Variants in ACTR3C observed in about 807,000 individuals in gnomAD.
ACTR3C encodes actin-related protein 3C.
In ACTR3C, 18 loss-of-function variants were observed where a neutral mutation model predicts 26.3. The observed-to-expected ratio is 0.68, with a 90% CI of 0.47 to 1.01. The LOEUF (loss-of-function observed/expected upper bound fraction) is 1.01. ACTR3C is among the 50% of genes least tolerant of loss of function. The pLI is 0.00. For synonymous variants in ACTR3C, 55 were observed against 94.5 expected (o/e 0.58, Z 2.42); for missense variants, 184 against 250.7 (o/e 0.73, Z 1.80).
the ACTR3C span, among the ~76,000 whole-genome samples, chr7:150,199,638 A>AT: frequency 2.5e-5 from 3 of 120,440 alleles, no homozygotes; most frequent in Non-Finnish European, 4.9e-5. Context: ...ATAAATAAAA[A>AT]TAAAAAAAAA....
chr7:150,313,391 T>C (rs1174343551), intron 1 of ACTR3C, among the ~76,000 whole-genome samples: 1 of 152,222 alleles, frequency 6.6e-6, no homozygotes, highest in Non-Finnish European at 1.5e-5. Context: ...GGACAAGTTA[T>C]TATCCAAAGA....
At chr7:149,967,219 T>C in the ACTR3C span, among the ~76,000 whole-genome samples, 6 of 151,826 alleles carry the variant, frequency 4.0e-5, no homozygotes, top group African/African-American at 1.4e-4. Context: ...GTCTTTTTAG[T>C]AGAGACAGGG....
chr7:150,039,683 G>T, the ACTR3C span, among the ~76,000 whole-genome samples: 1 of 130,556 alleles, frequency 7.7e-6, no homozygotes, highest in African/African-American at 2.7e-5. Flanking sequence ...ATCAACGATG[G>T]GGGGTCCTAA....
chr7:149,924,961 G>A, the ACTR3C span, among the ~76,000 whole-genome samples: 1 of 152,092 alleles, frequency 6.6e-6, no homozygotes, highest in Non-Finnish European at 1.5e-5. Context: ...AAAATCCCTA[G>A]GGATCAAGGG....
chr7:150,082,958 T>TC, the ACTR3C span, among the ~76,000 whole-genome samples: 2 of 145,194 alleles, frequency 1.4e-5, no homozygotes, highest in African/African-American at 5.1e-5. Context: ...TTTTTTTTTT[T>TC]TTTTCAGGAC....
At position 150,293,408 on chromosome 7, in the gene ACTR3C, G is replaced by C. The variant is rs1220852570; in HGVS notation, c.57C>G (p.Ala19=). ...GLYIAVQAVL[A]LAASWTSRQV... is the part of the protein sequence containing the mutation. ...GTCGAGATGTCCAAGATGCCGCCAAGGCCAGCACTGCCTGGAGAAAAGACA... is the reference window on the plus strand; with the variant it reads ...GTCGAGATGTCCAAGATGCCGCCAACGCCAGCACTGCCTGGAGAAAAGACA... The change falls in exon 3 of 8, where the codon GCC becomes GCG. Residue 19 remains alanine, a synonymous_variant. Transcript: ENST00000683684. 6.3e-7 allele frequency: 1 copy of C among 1,594,920 alleles called. No homozygotes were observed. The highest frequency in any genetic ancestry group is 8.6e-7 in the Non-Finnish European group (1 of 1,169,270).
At chr7:150,200,596 A>G in the ACTR3C span, among the ~76,000 whole-genome samples, 3 of 152,210 alleles carry the variant, frequency 2.0e-5, no homozygotes, top group Admixed American at 1.3e-4. Context: ...TTGAAGCCCC[A>G]CATCCAGAAG....
At chr7:150,014,455 C>A in the ACTR3C span, among the ~76,000 whole-genome samples, 9 of 111,666 alleles carry the variant, frequency 8.1e-5, no homozygotes, top group African/African-American at 2.0e-4. Flanking sequence ...GACTCCGTCT[C>A]AAAAAAAAAA....
At chr7:149,926,337 C>G in the ACTR3C span, among the ~76,000 whole-genome samples, 1,605 of 152,244 alleles carry the variant, frequency 0.011, 31 homozygotes, top group African/African-American at 0.036. Flanking sequence ...GGAGGAATGG[C>G]CTTTAATTGG....
chr7:150,076,867 A>C, the ACTR3C span, among the ~76,000 whole-genome samples: 10 of 152,170 alleles, frequency 6.6e-5, no homozygotes, highest in African/African-American at 2.4e-4. Context: ...TCTGTTATGT[A>C]AAATATCTAA....
chr7:150,086,241 C>T, the ACTR3C span, among the ~76,000 whole-genome samples: 7 of 152,174 alleles, frequency 4.6e-5, no homozygotes. Flanking sequence ...GCCTCAGCCT[C>T]CCAAAGTGCT....
At chr7:150,239,187 T>A (rs1239507319), downstream of ACTR3C, among the ~76,000 whole-genome samples, 1 of 151,654 alleles carries the variant, frequency 6.6e-6, no homozygotes, top group African/African-American at 2.4e-5. Context: ...ACCTCCTTCA[T>A]CCATTCTGGC....
the ACTR3C span, among the ~76,000 whole-genome samples, chr7:149,887,472 C>T: frequency 1.3e-5 from 2 of 152,226 alleles, no homozygotes; most frequent in Non-Finnish European, 2.9e-5. Flanking sequence ...TGCTCCCATA[C>T]ACGCCAGGCG....
chr7:150,299,844 C>T (rs1319078036), intron 1 of ACTR3C, among the ~76,000 whole-genome samples: 6 of 151,964 alleles, frequency 3.9e-5, no homozygotes, highest in Non-Finnish European at 2.9e-5. Flanking sequence ...TCAATGAGTA[C>T]GGAGTTTCAG....
the ACTR3C span, among the ~76,000 whole-genome samples, chr7:150,089,742 G>A: frequency 6.6e-6 from 1 of 152,286 alleles, no homozygotes; most frequent in East Asian, 1.9e-4. Context: ...TCAGGATGGG[G>A]GCCAGATGAA....
the ACTR3C span, among the ~76,000 whole-genome samples, chr7:150,174,242 T>C: frequency 5.0e-5 from 7 of 139,546 alleles, 2 homozygotes; most frequent in East Asian, 2.0e-4. Flanking sequence ...TTGTTTCACA[T>C]GGCTGGCGGG....
the ACTR3C span, among the ~76,000 whole-genome samples, chr7:150,128,106 T>C: frequency 3.5e-5 from 5 of 141,422 alleles, no homozygotes; most frequent in Middle Eastern, 3.7e-3. Flanking sequence ...AGTGCCTTGA[T>C]TGGCAGTTCC....
At chr7:149,990,755 G>A in the ACTR3C span, among the ~76,000 whole-genome samples, 5 of 151,978 alleles carry the variant, frequency 3.3e-5, no homozygotes, top group African/African-American at 4.8e-5. Flanking sequence ...AAACAAGGGC[G>A]CATAGGCAGA....
At chr7:150,092,940 C>T in the ACTR3C span, among the ~76,000 whole-genome samples, 1 of 151,430 alleles carries the variant, frequency 6.6e-6, no homozygotes, top group Non-Finnish European at 1.5e-5. Flanking sequence ...CCTGCAGAAC[C>T]CAGAGATGCA....
Sources: gnomAD v4.1 joint callset for allele counts (sites outside exome capture counted in the v4.1 genomes callset) on GRCh38, gnomAD v4.1.1 for gene constraint, MANE v1.5 for transcripts, NCBI Gene and HGNC (gene_info 2026-07-23, HGNC 2026-07-21) for gene names.